Variants in CDKN2B-AS1 observed in about 807,000 individuals in gnomAD.
CDKN2B-AS1 encodes the protein CDKN2B antisense RNA 1 (non-protein coding).
At chr9:22,109,818 T>C (rs1825757208) in intron 4 of CDKN2B-AS1, among the ~76,000 whole-genome samples, 1 of 152,136 alleles carries the variant, frequency 6.6e-6, no homozygotes. Context: ...ACTGCTATGG[T>C]CCCTTTGAAG....
At chr9:22,040,865 G>C (rs1481868590) in intron 1 of CDKN2B-AS1, among the ~76,000 whole-genome samples, 1 of 152,060 alleles carries the variant, frequency 6.6e-6, no homozygotes, top group Non-Finnish European at 1.5e-5. Context: ...TTATATAAAT[G>C]TGGAAACTGA....
rs1437421453 is a variant in CDKN2B-AS1 at position 22,039,642 on chromosome 9, T to G, written n.30-7109T>G. Among the ~76,000 whole-genome samples, 2 of 151,944 alleles carry G rather than the reference T, an allele frequency of 1.3e-5. No individual in the cohort carries two copies. The highest frequency in any genetic ancestry group is 1.3e-4 in the Admixed American group (2 of 15,232). On this transcript the variant is annotated intron_variant and non_coding_transcript_variant, in intron 1 of 4. Coordinates refer to ENST00000650946, the Ensembl canonical transcript of CDKN2B-AS1. This position sits in a 1 kb window ranked among gnomAD's most constrained non-coding sequence, Gnocchi z 4.4. ...AGTTATTTGGATAATTTATATAGTC[T>G]CTTAAAAAAACAGATTATAGTAAGA...
chr9:22,010,196 C>T lies in CDKN2B-AS1; in HGVS notation n.29+15035C>T, dbSNP rs532441850. Among the ~76,000 whole-genome samples, 6 of 152,280 alleles carry T rather than the reference C, an allele frequency of 3.9e-5. No individual in the cohort carries two copies. The South Asian group carries it at 1.2e-3, about 32-fold the overall frequency. On this transcript the variant is annotated intron_variant and non_coding_transcript_variant, in intron 1 of 4. Coordinates refer to ENST00000650946, the Ensembl canonical transcript of CDKN2B-AS1. ...GGGCTTGTCATTAAACAGGCTGAAC[C>T]TGTCATTAAATTCTCTTCTGAAGAT...
At chr9:22,011,283 T>C (rs1260997365) in intron 1 of CDKN2B-AS1, among the ~76,000 whole-genome samples, 1 of 152,250 alleles carries the variant, frequency 6.6e-6, no homozygotes, top group East Asian at 1.9e-4. Flanking sequence ...GGTTTTCAAA[T>C]ATGATTGGAT....
chr9:22,106,346 G>A (rs1825658907), intron 4 of CDKN2B-AS1, among the ~76,000 whole-genome samples: 1 of 152,174 alleles, frequency 6.6e-6, no homozygotes, highest in Non-Finnish European at 1.5e-5. Flanking sequence ...CTCTCAAAGT[G>A]CTGGGATTAC....
chr9:22,029,430 C>T (rs779865453), intron 1 of CDKN2B-AS1: 2 of 779,252 alleles, frequency 2.6e-6, no homozygotes, highest in Non-Finnish European at 4.8e-6. Context: ...GGATGTTTTG[C>T]AGGACTATTT....
chr9:22,032,701 A>G (rs1351351004), intron 1 of CDKN2B-AS1: 1 of 151,866 alleles, frequency 6.6e-6, no homozygotes, highest in Non-Finnish European at 1.5e-5. Context: ...TCTGTCATCA[A>G]TACCACTTGC....
At chr9:22,107,115 A>G (rs1825680974) in intron 4 of CDKN2B-AS1, among the ~76,000 whole-genome samples, 1 of 152,232 alleles carries the variant, frequency 6.6e-6, no homozygotes, top group South Asian at 2.1e-4. Context: ...AGATGCTGGC[A>G]GCAGGGAGAT....
chr9:22,012,215 G>A (rs544218293), intron 1 of CDKN2B-AS1: 2 of 1,407,756 alleles, frequency 1.4e-6, no homozygotes, highest in African/African-American at 2.8e-5. Context: ...CGAGCCCAGT[G>A]ACACCATTGA....
At chr9:22,094,358 T>G (rs1231251019) in intron 4 of CDKN2B-AS1, among the ~76,000 whole-genome samples, 1 of 144,208 alleles carries the variant, frequency 6.9e-6, no homozygotes, top group Non-Finnish European at 1.5e-5. Context: ...AATTTGAATG[T>G]TGGCCTGCCT....
chr9:22,013,712 C>A (rs1490507535), intron 1 of CDKN2B-AS1, among the ~76,000 whole-genome samples: 1 of 152,172 alleles, frequency 6.6e-6, no homozygotes, highest in Non-Finnish European at 1.5e-5. Context: ...CTCGGCCCCC[C>A]AAAGTGCTGG....
At chr9:22,032,429 C>T (rs1373270139) in intron 1 of CDKN2B-AS1, among the ~76,000 whole-genome samples, 1 of 152,078 alleles carries the variant, frequency 6.6e-6, no homozygotes, top group African/African-American at 2.4e-5. Flanking sequence ...ATGTCTGTAT[C>T]TACAAAATGT....
Position 21,999,108 on chromosome 9 carries a change from A to G in CDKN2B-AS1, n.29+3947A>G, listed in dbSNP as rs1188756740. ...ACCACAAGTGTGGCAAAAAGAAAAA[A>G]GACTACTTTGACAAAGTTGTCAGGA... On this transcript the variant is annotated intron_variant and non_coding_transcript_variant, in intron 1 of 4. Coordinates refer to ENST00000650946, the Ensembl canonical transcript of CDKN2B-AS1. The surrounding 1 kb of genome is among the most constrained non-coding windows in gnomAD (Gnocchi z 4.7). 2.6e-5 allele frequency among the ~76,000 whole-genome samples: 4 copies of G among 152,136 alleles called. No individual in the cohort carries two copies. Among genetic ancestry groups the G allele is most frequent in the African/African-American group, 9.6e-5 (4 of 41,468 alleles).
intron 4 of CDKN2B-AS1, among the ~76,000 whole-genome samples, chr9:22,062,762 T>A (rs1486003373): frequency 2.0e-5 from 3 of 151,996 alleles, no homozygotes; most frequent in African/African-American, 4.8e-5. Flanking sequence ...GTTTTTTTTT[T>A]AAACCTTTCT....
chr9:22,052,014 G>A (rs890259263), intron 3 of CDKN2B-AS1, among the ~76,000 whole-genome samples: 7 of 152,064 alleles, frequency 4.6e-5, no homozygotes, highest in Admixed American at 3.3e-4. Flanking sequence ...AATCATGACT[G>A]TGGTCCTCAC....
chr9:22,008,783 T>G, intron 1 of CDKN2B-AS1: 1 of 1,607,530 alleles, frequency 6.2e-7, no homozygotes. Flanking sequence ...GGCGAGGCCC[T>G]GGGGCCCCAG....
At chr9:22,061,774 C>T (rs976503538) in intron 4 of CDKN2B-AS1, among the ~76,000 whole-genome samples, 6 of 151,912 alleles carry the variant, frequency 3.9e-5, no homozygotes, top group Admixed American at 6.6e-5. Flanking sequence ...TTCTTCTTTA[C>T]AAAAGGGGGG....
chr9:22,096,938 T>A (rs1191833592), intron 4 of CDKN2B-AS1, among the ~76,000 whole-genome samples: 3 of 152,148 alleles, frequency 2.0e-5, no homozygotes, highest in Non-Finnish European at 4.4e-5. Flanking sequence ...TTCCCAGAGA[T>A]CCCTGCCCTT....
chr9:22,098,763 G>T (rs1329219018), intron 4 of CDKN2B-AS1, among the ~76,000 whole-genome samples: 1 of 152,156 alleles, frequency 6.6e-6, no homozygotes, highest in African/African-American at 2.4e-5. Context: ...AGAAATGTCA[G>T]AGCCCAGAAC....
Sources: allele counts gnomAD v4.1 joint callset (sites outside exome capture counted in the v4.1 genomes callset), GRCh38; gene constraint gnomAD v4.1.1; non-coding constraint Gnocchi (gnomAD v3.1); transcripts MANE v1.5; gene names NCBI Gene and HGNC (gene_info 2026-07-23, HGNC 2026-07-21).